Variants in CKAP5 observed in about 807,000 individuals in gnomAD.
CKAP5 encodes cytoskeleton associated protein 5.
CKAP5 carries 27 observed loss-of-function variants against 232.8 expected under a neutral mutation model. That is an observed-to-expected ratio of 0.12 (90% CI 0.09 to 0.16). The LOEUF is 0.16. Among genes scored for constraint, CKAP5 ranks in the 10% least tolerant of loss-of-function variants. The pLI, the probability that CKAP5 is intolerant of heterozygous loss-of-function variation, is 1.00. For missense variants in CKAP5, 1,838 were observed against 2,424.7 expected, an observed-to-expected ratio of 0.76 and a Z score of 5.08; for synonymous variants, 785 against 841.1, an observed-to-expected ratio of 0.93 and a Z score of 1.16.
In CKAP5 at chr11:46,783,746, C is replaced by T. The variant is rs566199028; in HGVS notation, c.2155-378G>A. Among the ~76,000 whole-genome samples the T allele has an allele frequency of 2.0e-5, 3 of 152,020 alleles. No individual in the cohort carries two copies. The East Asian group carries it at 5.9e-4, about 30-fold the overall frequency. ...GTTTTGAGACAGTCTCACTCTGTTG[C>T]CCAGGCTGGAGTACAGTGGCGTGAT... is the stretch of plus-strand genomic sequence containing the variant. On this transcript the variant is annotated intron_variant, in intron 17 of 43. Transcript: ENST00000529230.
intron 32 of CKAP5, among the ~76,000 whole-genome samples, chr11:46,761,348 T>C (rs1014454218): frequency 6.6e-6 from 1 of 152,216 alleles, no homozygotes; most frequent in African/African-American, 2.4e-5. Flanking sequence ...TTTTTTGTTT[T>C]GTCACCACTA....
intron 1 of CKAP5, among the ~76,000 whole-genome samples, chr11:46,826,421 T>C (rs1236128079): frequency 1.3e-5 from 2 of 152,104 alleles, no homozygotes; most frequent in Admixed American, 1.3e-4. Context: ...AGGGTAAGGA[T>C]CCAAGGCCCA....
intron 4 of CKAP5, 37 bp from the exon 5 acceptor site, chr11:46,811,215 CAATGCAATTA>C: frequency 2.0e-6 from 3 of 1,522,470 alleles, no homozygotes; most frequent in Non-Finnish European, 9.1e-7. Context: ...TGTCAACGTG[CAATGCAATTA>C]AATAAAGCAT....
rs2134645039 is a variant in CKAP5 at position 46,794,415 on chromosome 11, G to A, written c.1650+1179C>T. Among the ~76,000 whole-genome samples, 2 of 151,970 alleles carry A rather than the reference G, an allele frequency of 1.3e-5. 1 individual carries two copies. The highest frequency in any genetic ancestry group is 4.2e-4 in the South Asian group (2 of 4,810). ...GGAGGTATGCTGTGATTGTGCCATT[G>A]CACTCCAGCCTGGGGAACAGAGTGA... On this transcript the variant is annotated intron_variant, in intron 13 of 43. Transcript: ENST00000529230.
Position 46,846,251 on chromosome 11 carries a change from T to C in CKAP5, c.-69A>G, listed in dbSNP as rs762731648. 2 of 152,288 alleles carry C rather than the reference T, an allele frequency of 1.3e-5. No individual in the cohort carries two copies. Among genetic ancestry groups the C allele is most frequent in the African/African-American group, 2.4e-5 (1 of 41,408 alleles). 9.4% of individuals were successfully genotyped at this position (152,288 alleles called of 1,614,324 possible). ...TGGGTCAGAACCAAGCGGCCTGCTCTAAGCCGTTTGAAACCGCTTGGGCCG... is the reference window on the plus strand; with the variant it reads ...TGGGTCAGAACCAAGCGGCCTGCTCCAAGCCGTTTGAAACCGCTTGGGCCG... On this transcript the variant is annotated 5_prime_UTR_variant, in exon 1 of 44. Coordinates refer to ENST00000529230, the MANE Select transcript of CKAP5 (RefSeq NM_001008938.4).
chr11:46,805,453 AAAG>A (rs1194093639), intron 8 of CKAP5, among the ~76,000 whole-genome samples: 4 of 152,194 alleles, frequency 2.6e-5, no homozygotes, highest in Admixed American at 1.3e-4. Context: ...TATACAATAC[AAAG>A]AAGAGATAAT....
intron 35 of CKAP5, among the ~76,000 whole-genome samples, chr11:46,756,891 G>A (rs964415417): frequency 6.6e-6 from 1 of 151,550 alleles, no homozygotes; most frequent in South Asian, 2.1e-4. Flanking sequence ...GAGTAGCTGG[G>A]ATTACAGGCA....
Position 46,797,816 on chromosome 11 carries a change from C to T in CKAP5, c.1327G>A (p.Ala443Thr), listed in dbSNP as rs1158950509. The change falls in exon 11 of 44, where the codon GCA becomes ACA. Residue 443 changes from alanine to threonine, a missense_variant. Physicochemically the swap from Ala to Thr is moderately conservative, Grantham distance 58. Around this residue, in one of 6 missense-constraint regions of CKAP5, gnomAD observed 767 missense variants for 954.6 expected, o/e 0.80. Coordinates refer to ENST00000529230, the MANE Select transcript of CKAP5 (RefSeq NM_001008938.4). Reference sequence around the variant, plus strand: ...AAGAGAGTCTGTACCTTAAGTAGTGCAGCACAAAAGGGCTTTAGCAAGCTC... The same window carrying T: ...AAGAGAGTCTGTACCTTAAGTAGTGTAGCACAAAAGGGCTTTAGCAAGCTC... Reference protein sequence around the residue: ...PKSLLKPFCAALLKHINDSAP... With the variant: ...PKSLLKPFCATLLKHINDSAP... 2 of 1,609,550 alleles carry T rather than the reference C, an allele frequency of 1.2e-6. No homozygotes were observed. Among genetic ancestry groups the T allele is most frequent in the Non-Finnish European group, 8.5e-7 (1 of 1,178,942 alleles).
At chr11:46,784,793 T>TA (rs1295912099) in intron 16 of CKAP5, 120 bp from the exon 17 acceptor site, 3 of 634,740 alleles carry the variant, frequency 4.7e-6, no homozygotes. Context: ...ACAACTAAAG[T>TA]AAAATCAGGA....
At chr11:46,753,996 G>A (rs927513248) in intron 36 of CKAP5, among the ~76,000 whole-genome samples, 13 of 151,696 alleles carry the variant, frequency 8.6e-5, no homozygotes, top group Non-Finnish European at 1.0e-4. Context: ...TTCTAATTGT[G>A]AAATTTTTTG....
At chr11:46,780,786 TTTTG>T (rs963830126) in intron 18 of CKAP5, among the ~76,000 whole-genome samples, 4 of 152,070 alleles carry the variant, frequency 2.6e-5, no homozygotes, top group South Asian at 2.1e-4. Flanking sequence ...AGCTAATTTT[TTTTG>T]TTTGTTTGTT....
intron 16 of CKAP5, among the ~76,000 whole-genome samples, chr11:46,786,537 G>A (rs2134632649): frequency 6.6e-6 from 1 of 152,356 alleles, no homozygotes; most frequent in Middle Eastern, 3.4e-3. Flanking sequence ...AACAATGAGT[G>A]GCAACTGTTT....
At chr11:46,813,410 G>GA (rs1379094583) in intron 4 of CKAP5, among the ~76,000 whole-genome samples, 3 of 151,224 alleles carry the variant, frequency 2.0e-5, no homozygotes, top group Non-Finnish European at 3.0e-5. Context: ...CCTTCTGTAA[G>GA]AAAAAAAAGA....
chr11:46,769,858 T>A, intron 26 of CKAP5, 105 bp downstream of exon 26: 1 of 1,260,786 alleles, frequency 7.9e-7, no homozygotes, highest in Non-Finnish European at 1.1e-6. Flanking sequence ...AGAGCTTGGA[T>A]CTACGCTGTA....
In CKAP5 at chr11:46,762,730, A is replaced by C; in HGVS notation, c.3924T>G (p.Asp1308Glu). The C allele has an allele frequency of 6.2e-7, 1 of 1,614,094 alleles. No homozygotes were observed. The highest frequency in any genetic ancestry group is 1.1e-5 in the South Asian group (1 of 91,076). Reference sequence around the variant, plus strand: ...ACATCCGGTTCAGGATGGCACGAACATCTTTACGAATGACATCCTTTGGTT... The same window carrying C: ...ACATCCGGTTCAGGATGGCACGAACCTCTTTACGAATGACATCCTTTGGTT... ...VGEPKDVIRKDVRAILNRMCL... is the reference protein window; with the variant it reads ...VGEPKDVIRKEVRAILNRMCL... Residue 1308 changes from aspartate to glutamate, a missense_variant, in exon 31 of 44, where the codon GAT becomes GAG. By Grantham distance (45) the Asp-to-Glu change is conservative (BLOSUM62 2). Around this residue, in one of 6 missense-constraint regions of CKAP5, gnomAD observed 579 missense variants for 843.2 expected, o/e 0.69. Transcript: ENST00000529230.
intron 1 of CKAP5, among the ~76,000 whole-genome samples, chr11:46,836,846 G>A (rs1404898560): frequency 6.6e-6 from 1 of 152,148 alleles, no homozygotes; most frequent in Non-Finnish European, 1.5e-5. Context: ...AGCACTTTTG[G>A]GAGGCCAAGG....
At chr11:46,775,197 CAA>C (rs2065280683) in intron 24 of CKAP5, among the ~76,000 whole-genome samples, 1 of 152,154 alleles carries the variant, frequency 6.6e-6, no homozygotes, top group Non-Finnish European at 1.5e-5. Context: ...AGAAACTTTT[CAA>C]AAGAAGACAT....
At chr11:46,802,618 C>T (rs560801205) in intron 8 of CKAP5, among the ~76,000 whole-genome samples, 4 of 152,160 alleles carry the variant, frequency 2.6e-5, no homozygotes, top group African/African-American at 7.2e-5. Context: ...CACACACACA[C>T]ACGGCTGCTT....
chr11:46,821,389 C>G lies in CKAP5; in HGVS notation c.-37-121G>C, dbSNP rs1455303158. On this transcript the variant is annotated intron_variant, in intron 1 of 43. Transcript: ENST00000529230. ...AACAAGAGTAAAAATCCCGTTCTTTCGTCAGATCCCCACTTAATTCAATTA... is the reference window on the plus strand; with the variant it reads ...AACAAGAGTAAAAATCCCGTTCTTTGGTCAGATCCCCACTTAATTCAATTA... The G allele has an allele frequency of 7.3e-5, 34 of 465,622 alleles. No individual in the cohort carries two copies. In the Admixed American group the frequency reaches 1.2e-3, roughly 16 times the overall value. 28.8% of individuals were successfully genotyped at this position (465,622 alleles called of 1,614,324 possible). A position where few individuals can be genotyped will look rare whatever the true frequency, so the allele number is the denominator to read the frequency against.
Sources: allele counts gnomAD v4.1 joint callset (sites outside exome capture counted in the v4.1 genomes callset), GRCh38; gene constraint gnomAD v4.1.1; regional missense constraint gnomAD v4.1.1; transcripts MANE v1.5; gene names NCBI Gene and HGNC (gene_info 2026-07-23, HGNC 2026-07-21).